Variants in RYR2 observed in about 807,000 individuals in gnomAD.
RYR2 encodes ryanodine receptor 2.
In RYR2, 227 loss-of-function variants were observed where a neutral mutation model predicts 601.1. The observed-to-expected ratio is 0.38, with a 90% CI of 0.34 to 0.42. RYR2 has a LOEUF of 0.42. Ranked by LOEUF, RYR2 falls within the 10% of genes least tolerant of loss-of-function variation. The pLI is 1.00. For synonymous variants in RYR2, 2,223 were observed against 2,175.1 expected, an observed-to-expected ratio of 1.02 and a Z score of -0.61; for missense variants, 4,646 against 6,156.5, an observed-to-expected ratio of 0.75 and a Z score of 8.21.
intron 40 of RYR2, among the ~76,000 whole-genome samples, chr1:237,626,595 T>TC: frequency 1.6e-5 from 2 of 128,568 alleles, no homozygotes; most frequent in Non-Finnish European, 3.3e-5. Flanking sequence ...TTTTTTTTTT[T>TC]TTTTTTTTTT....
chr1:237,815,584 G>T, intron 100 of RYR2, among the ~76,000 whole-genome samples: 1 of 152,164 alleles, frequency 6.6e-6, no homozygotes, highest in East Asian at 1.9e-4. Context: ...ATCTCTGCTG[G>T]AATCCCTTCA....
rs750982848 is a variant in RYR2, at chr1:237,832,696, CCTCTCT to C, written c.*51_*56del. 1 of 1,075,308 alleles carries C rather than the reference CCTCTCT, an allele frequency of 9.3e-7. No homozygotes were observed. The highest frequency in any genetic ancestry group is 1.4e-6 in the Non-Finnish European group (1 of 707,448). The allele number at this position is 1,075,308 out of a possible 1,614,324, so 66.6% of individuals were successfully genotyped here. ...AACCAAAACCCTACCCCTCTCTCTC[CCTCTCT>C]CAATTTCTCTGCTCTCTTGGAAACA... On this transcript the variant is annotated 3_prime_UTR_variant, in exon 105 of 105. Coordinates refer to ENST00000366574, the MANE Select transcript of RYR2 (RefSeq NM_001035.3).
At chr1:237,062,673 T>C (rs1663029449) in intron 1 of RYR2, among the ~76,000 whole-genome samples, 1 of 152,196 alleles carries the variant, frequency 6.6e-6, no homozygotes, top group Admixed American at 6.5e-5. Context: ...CTGACCATTT[T>C]ATTTTTTGCT....
chr1:237,329,179 T>C (rs1306356545), intron 2 of RYR2, among the ~76,000 whole-genome samples: 2 of 152,172 alleles, frequency 1.3e-5, no homozygotes, highest in East Asian at 3.8e-4. Context: ...TTCCTTTTTT[T>C]CAATTTTATT....
intron 98 of RYR2, among the ~76,000 whole-genome samples, chr1:237,805,166 C>T (rs1244222506): frequency 2.6e-5 from 4 of 152,066 alleles, no homozygotes; most frequent in Admixed American, 6.6e-5. Flanking sequence ...TAAATAACAA[C>T]GACAATTCCT....
chr1:237,723,350 A>G (rs1689909838), intron 74 of RYR2, 88 bp downstream of exon 74: 9 of 980,362 alleles, frequency 9.2e-6, no homozygotes, highest in Non-Finnish European at 1.2e-5. Flanking sequence ...GTTAACTATG[A>G]CCCAAGAAAC....
chr1:237,573,250 ACACAC>A (rs772047870), intron 29 of RYR2, among the ~76,000 whole-genome samples: 117 of 151,700 alleles, frequency 7.7e-4, no homozygotes, highest in Admixed American at 1.4e-3. Flanking sequence ...ACACACACAC[ACACAC>A]ACGCATACAT....
chr1:237,762,347 T>C (rs1693494900), intron 84 of RYR2, among the ~76,000 whole-genome samples: 1 of 152,208 alleles, frequency 6.6e-6, no homozygotes, highest in Non-Finnish European at 1.5e-5. Context: ...TCTCAGGGCC[T>C]ATCACCTGCC....
At chr1:237,146,495 GGCAT>G (rs1674014179) in intron 1 of RYR2, among the ~76,000 whole-genome samples, 1 of 152,162 alleles carries the variant, frequency 6.6e-6, no homozygotes, top group African/African-American at 2.4e-5. Context: ...CATAACAGTC[GGCAT>G]GCTTGGAGTA....
At chr1:237,412,461 G>T (rs1273637520) in intron 10 of RYR2, among the ~76,000 whole-genome samples, 1 of 152,158 alleles carries the variant, frequency 6.6e-6, no homozygotes, top group African/African-American at 2.4e-5. Flanking sequence ...GTTATTATAT[G>T]TGCATATTTT....
At chr1:237,056,594 C>G (rs34906638) in intron 1 of RYR2, among the ~76,000 whole-genome samples, 711 of 53,044 alleles carry the variant, frequency 0.013, 27 homozygotes, top group African/African-American at 0.031. Flanking sequence ...GTGAGGACTG[C>G]AGCACTGCAC....
At chr1:237,295,650 T>C (rs1473947392) in intron 2 of RYR2, among the ~76,000 whole-genome samples, 1 of 152,222 alleles carries the variant, frequency 6.6e-6, no homozygotes, top group African/African-American at 2.4e-5. Context: ...TAAGATCTTT[T>C]AATATTTTTA....
chr1:237,665,949 T>C (rs1426516140), intron 56 of RYR2, among the ~76,000 whole-genome samples: 2 of 152,122 alleles, frequency 1.3e-5, no homozygotes, highest in Non-Finnish European at 2.9e-5. Context: ...CCCAGGATGG[T>C]TAGTGAAACT....
At chr1:237,684,333 T>A (rs532045968) in intron 62 of RYR2, among the ~76,000 whole-genome samples, 1 of 152,138 alleles carries the variant, frequency 6.6e-6, no homozygotes, top group South Asian at 2.1e-4. Context: ...CTAACTTTAA[T>A]AAATTTAGAA....
chr1:237,323,860 A>G (rs374091920), intron 2 of RYR2, among the ~76,000 whole-genome samples: 1 of 152,240 alleles, frequency 6.6e-6, no homozygotes, highest in South Asian at 2.1e-4. Context: ...CAGAGACATC[A>G]GCTTCATTTG....
chr1:237,800,097 A>T (rs1659783109), intron 97 of RYR2: 1 of 152,224 alleles, frequency 6.6e-6, no homozygotes, highest in Non-Finnish European at 1.5e-5. Context: ...GTGCTGTGTG[A>T]TACTGATGGT....
In RYR2 at chr1:237,769,495, G is replaced by C. The variant is rs184117919; in HGVS notation, c.11477-1312G>C. ...AAATTTCATATCTTGTGGGCTAACA[G>C]GGAAATGAGTACAGTGATTTTATGT... On this transcript the variant is annotated intron_variant, in intron 84 of 104. Coordinates refer to ENST00000366574, the MANE Select transcript of RYR2 (RefSeq NM_001035.3). 2.1e-3 allele frequency among the ~76,000 whole-genome samples: 315 copies of C among 152,206 alleles called. 3 individuals carry two copies. The highest frequency in any genetic ancestry group is 3.5e-3 in the Non-Finnish European group (236 of 68,018).
rs1338788038 is a variant in RYR2, at chr1:237,655,882, T to C, written c.8027T>C (p.Leu2676Ser). Residue 2676 changes from leucine (L) to serine (S), a missense_variant, in exon 53 of 105, where the codon TTG becomes TCG. By Grantham distance (145) the Leu-to-Ser change is moderately radical. Transcript: ENST00000366574. ...LPCLSAVAGA[L>S]PPDYMESNYV... ...TGCCTGAGTGCAGTTGCGGGAGCTTTGCCTCCAGACTACATGGAGTCAAAT... is the reference window on the plus strand; with the variant it reads ...TGCCTGAGTGCAGTTGCGGGAGCTTCGCCTCCAGACTACATGGAGTCAAAT... 3.7e-6 allele frequency: 6 copies of C among 1,610,356 alleles called. No homozygotes were observed. Among genetic ancestry groups the C allele is most frequent in the Non-Finnish European group, 5.1e-6 (6 of 1,178,184 alleles).
At chr1:237,667,259 T>C (rs1458312820) in intron 57 of RYR2, among the ~76,000 whole-genome samples, 1 of 152,214 alleles carries the variant, frequency 6.6e-6, no homozygotes, top group Non-Finnish European at 1.5e-5. Flanking sequence ...AACTGTATTG[T>C]TCCAAGAGAA....
Sources: allele counts gnomAD v4.1 joint callset (sites outside exome capture counted in the v4.1 genomes callset), GRCh38; gene constraint gnomAD v4.1.1; transcripts MANE v1.5; gene names NCBI Gene and HGNC (gene_info 2026-07-23, HGNC 2026-07-21).